Variants in EDA observed in about 807,000 individuals in gnomAD.
EDA encodes the protein ectodysplasin A, also known as ectodysplasin-A.
EDA carries 2 observed loss-of-function variants against 23.6 expected under a neutral mutation model. The ratio of observed to expected loss-of-function variants is 0.08; its 90% CI spans 0.03 to 0.27. The LOEUF (loss-of-function observed/expected upper bound fraction) is 0.27. Ranked by LOEUF, EDA falls within the 10% of genes least tolerant of loss-of-function variation. EDA has a pLI of 1.00. For missense variants in EDA, 229 were observed against 324.2 expected, an observed-to-expected ratio of 0.71 and a Z score of 2.26; for synonymous variants, 131 against 132.0, an observed-to-expected ratio of 0.99 and a Z score of 0.05.
intron 1 of EDA, among the ~76,000 whole-genome samples, chrX:69,826,713 T>G (rs1389073405): frequency 9.5e-5 from 10 of 105,036 alleles, no homozygotes; most frequent in South Asian, 4.4e-4. Context: ...AAAGTTAATA[T>G]TGTTATGTGT....
chrX:69,729,449 T>C (rs1281574226), intron 1 of EDA, among the ~76,000 whole-genome samples: 1 of 111,555 alleles, frequency 9.0e-6, no homozygotes, highest in African/African-American at 3.3e-5. Flanking sequence ...TGTATATCCA[T>C]GCCATTTCTC....
chrX:69,751,524 C>T (rs1229762979), intron 1 of EDA, among the ~76,000 whole-genome samples: 1 of 111,564 alleles, frequency 9.0e-6, no homozygotes, highest in Non-Finnish European at 1.9e-5. Context: ...TTTTTGGTTC[C>T]ATATGAACTT....
intron 6 of EDA, among the ~76,000 whole-genome samples, chrX:70,031,048 A>C (rs561241102): frequency 2.7e-5 from 3 of 112,049 alleles, no homozygotes; most frequent in African/African-American, 9.7e-5. Context: ...CTGCATTTAA[A>C]AGATGGGGAA....
intron 1 of EDA, among the ~76,000 whole-genome samples, chrX:69,759,654 C>T (rs776901466): frequency 8.1e-5 from 9 of 111,187 alleles, no homozygotes; most frequent in Middle Eastern, 4.6e-3. Flanking sequence ...CAAGCTGGTG[C>T]GGTACAATAT....
intron 1 of EDA, among the ~76,000 whole-genome samples, chrX:69,737,573 C>G (rs1475874188): frequency 8.9e-6 from 1 of 112,099 alleles, no homozygotes; most frequent in Non-Finnish European, 1.9e-5. Flanking sequence ...TATAAACCTC[C>G]TAATTATTGT....
intron 1 of EDA, among the ~76,000 whole-genome samples, chrX:69,882,011 T>C (rs2017755798): frequency 8.9e-6 from 1 of 111,769 alleles, no homozygotes; most frequent in Non-Finnish European, 1.9e-5. Flanking sequence ...CCTCCAACAT[T>C]GGGGATCACA....
chrX:69,638,724 A>C (rs1488346391), intron 1 of EDA, among the ~76,000 whole-genome samples: 1 of 111,886 alleles, frequency 8.9e-6, no homozygotes, highest in Non-Finnish European at 1.9e-5. Context: ...CGTAAGCTAA[A>C]TAGTCACAGA....
intron 2 of EDA, among the ~76,000 whole-genome samples, chrX:69,974,534 A>G (rs752707919): frequency 1.9e-4 from 20 of 107,704 alleles, no homozygotes; most frequent in African/African-American, 6.3e-4. Context: ...TATCAAAAAC[A>G]ATTGTAACAA....
intron 1 of EDA, among the ~76,000 whole-genome samples, chrX:69,688,365 A>C (rs181001553): frequency 2.7e-5 from 3 of 111,991 alleles, no homozygotes; most frequent in African/African-American, 9.7e-5. Flanking sequence ...ATAGAGAAAT[A>C]GTATTCCACT....
intron 2 of EDA, among the ~76,000 whole-genome samples, chrX:69,967,774 A>C (rs759711101): frequency 8.9e-6 from 1 of 112,038 alleles, no homozygotes; most frequent in African/African-American, 3.2e-5. Context: ...CTCATTCTTC[A>C]TGTAGGTTCT....
intron 1 of EDA, among the ~76,000 whole-genome samples, chrX:69,743,378 A>G (rs772666575): frequency 3.7e-4 from 42 of 112,026 alleles, no homozygotes; most frequent in African/African-American, 1.3e-3. Flanking sequence ...GATTTTAAAC[A>G]TTATATAGTA....
At chrX:69,973,658 A>T (rs957376947) in intron 2 of EDA, among the ~76,000 whole-genome samples, 8 of 111,691 alleles carry the variant, frequency 7.2e-5, no homozygotes, top group African/African-American at 2.6e-4. Flanking sequence ...TCTTCCATAT[A>T]TACGACAGGA....
chrX:69,691,538 G>A (rs1162494642), intron 1 of EDA, among the ~76,000 whole-genome samples: 1 of 111,755 alleles, frequency 8.9e-6, no homozygotes, highest in Non-Finnish European at 1.9e-5. Flanking sequence ...AATGTAAGCA[G>A]GTGAAACATT....
At chrX:69,856,492 G>A (rs1333600840) in intron 1 of EDA, among the ~76,000 whole-genome samples, 1 of 110,485 alleles carries the variant, frequency 9.1e-6, no homozygotes, top group Non-Finnish European at 1.9e-5. Flanking sequence ...CACTGTAACA[G>A]TGTTCCCTTT....
chrX:69,818,353 C>T (rs1213406855), intron 1 of EDA, among the ~76,000 whole-genome samples: 3 of 110,981 alleles, frequency 2.7e-5, no homozygotes, highest in Non-Finnish European at 5.7e-5. Flanking sequence ...TAGCAGAAGA[C>T]AAGAAATAAC....
chrX:69,816,528 A>G (rs1304569460), intron 1 of EDA, among the ~76,000 whole-genome samples: 1 of 112,134 alleles, frequency 8.9e-6, no homozygotes, highest in Non-Finnish European at 1.9e-5. Context: ...TGAAAAACCC[A>G]AAACATGAGA....
At chrX:69,753,093 T>A (rs374898297) in intron 1 of EDA, among the ~76,000 whole-genome samples, 9 of 107,839 alleles carry the variant, frequency 8.3e-5, no homozygotes, top group Non-Finnish European at 1.5e-4. Context: ...CTGCTCTGAT[T>A]TTAGTTATTT....
At chrX:69,641,276 T>A (rs999857339) in intron 1 of EDA, among the ~76,000 whole-genome samples, 4 of 112,332 alleles carry the variant, frequency 3.6e-5, no homozygotes, top group African/African-American at 1.3e-4. Flanking sequence ...ATTTTTATAA[T>A]TTGCAGTGGC....
chrX:69,728,237 C>G (rs2012882697), intron 1 of EDA, among the ~76,000 whole-genome samples: 1 of 29,696 alleles, frequency 3.4e-5, no homozygotes, highest in Admixed American at 5.1e-4. Context: ...GAGTGAGACT[C>G]CATCTCAAAA....
Sources: gnomAD v4.1 joint callset for allele counts (sites outside exome capture counted in the v4.1 genomes callset) on GRCh38, gnomAD v4.1.1 for gene constraint, MANE v1.5 for transcripts, NCBI Gene and HGNC (gene_info 2026-07-23, HGNC 2026-07-21) for gene names.